The following SAMD12 variants were observed in gnomAD, a reference collection of about 807,000 sequenced individuals.
The protein encoded by SAMD12 is sterile alpha motif domain containing 12, also known as sterile alpha motif domain-containing protein 12.
SAMD12 carries 9 observed loss-of-function variants against 15.0 expected under a neutral mutation model. That is an observed-to-expected ratio of 0.60 (90% CI 0.36 to 1.05). SAMD12 has a LOEUF of 1.05. Among genes scored for constraint, SAMD12 ranks in the 50% least tolerant of loss-of-function variants. SAMD12 has a pLI of 0.01. For synonymous variants in SAMD12, 86 were observed against 90.1 expected (o/e 0.96, Z 0.25); for missense variants, 230 against 234.2 (o/e 0.98, Z 0.12).
chr8:118,282,189 T>C (rs1440020861), intron 4 of SAMD12: 11 of 422,552 alleles, frequency 2.6e-5, no homozygotes, highest in Non-Finnish European at 4.7e-5. Context: ...TTCCCTTTTT[T>C]CTTTTCTTCA....
At chr8:118,432,941 A>G (rs918697865) in intron 3 of SAMD12, among the ~76,000 whole-genome samples, 2 of 152,230 alleles carry the variant, frequency 1.3e-5, no homozygotes, top group Admixed American at 6.5e-5. Context: ...TTGAACAGAA[A>G]AACAGACTGT....
intron 3 of SAMD12, among the ~76,000 whole-genome samples, chr8:118,385,096 C>T (rs1819882515): frequency 6.6e-6 from 1 of 152,112 alleles, no homozygotes; most frequent in South Asian, 2.1e-4. Flanking sequence ...ACTGTGTGTG[C>T]TCCACTAGAA....
At chr8:118,486,355 G>T (rs886293114) in intron 2 of SAMD12, among the ~76,000 whole-genome samples, 2 of 151,882 alleles carry the variant, frequency 1.3e-5, no homozygotes, top group Non-Finnish European at 2.9e-5. Flanking sequence ...GGTAGAGCTT[G>T]CAGTGAGCCG....
chr8:118,151,839 GAA>G, the SAMD12 span, among the ~76,000 whole-genome samples: 1 of 138,688 alleles, frequency 7.2e-6, no homozygotes, highest in Non-Finnish European at 1.5e-5. Context: ...CAAAAAAAAA[GAA>G]AAAAAAAAAA....
intron 1 of SAMD12, among the ~76,000 whole-genome samples, chr8:118,594,501 T>C (rs563908193): frequency 1.3e-5 from 2 of 152,198 alleles, no homozygotes; most frequent in East Asian, 1.9e-4. Flanking sequence ...GACCAAAAAA[T>C]AGGCTAGCCA....
chr8:118,534,048 T>C (rs571534215), intron 2 of SAMD12, among the ~76,000 whole-genome samples: 35 of 152,368 alleles, frequency 2.3e-4, no homozygotes, highest in Non-Finnish European at 4.0e-4. Flanking sequence ...CGATGGTCTT[T>C]ACAATTTGGC....
At chr8:118,486,723 G>A (rs545255674) in intron 2 of SAMD12, among the ~76,000 whole-genome samples, 10 of 128,256 alleles carry the variant, frequency 7.8e-5, no homozygotes, top group Admixed American at 1.6e-4. Flanking sequence ...GCTAAATAAC[G>A]TAAAAAAATA....
intron 4 of SAMD12, among the ~76,000 whole-genome samples, chr8:118,199,265 T>C (rs999934938): frequency 1.3e-5 from 2 of 152,246 alleles, no homozygotes. Context: ...AGCATCATGA[T>C]TGTTTTCACT....
chr8:118,500,305 T>C (rs2131038317), intron 2 of SAMD12, among the ~76,000 whole-genome samples: 1 of 151,730 alleles, frequency 6.6e-6, no homozygotes, highest in Non-Finnish European at 1.5e-5. Flanking sequence ...CTCAAACTCC[T>C]GACCTAAGGT....
intron 2 of SAMD12, among the ~76,000 whole-genome samples, chr8:118,521,719 T>C (rs1825394201): frequency 6.6e-6 from 1 of 152,168 alleles, no homozygotes; most frequent in African/African-American, 2.4e-5. Flanking sequence ...TTAATGGTAA[T>C]AATTATGCTA....
intron 2 of SAMD12, among the ~76,000 whole-genome samples, chr8:118,508,570 C>A (rs912424779): frequency 6.6e-6 from 1 of 152,138 alleles, no homozygotes; most frequent in Non-Finnish European, 1.5e-5. Flanking sequence ...GATAAAGACA[C>A]CTTCGTGTCA....
intron 4 of SAMD12, among the ~76,000 whole-genome samples, chr8:118,304,706 G>A (rs1815223853): frequency 6.6e-6 from 1 of 151,150 alleles, no homozygotes; most frequent in Non-Finnish European, 1.5e-5. Context: ...GTTGCAGTGA[G>A]CTGAGATTGT....
intron 2 of SAMD12, among the ~76,000 whole-genome samples, chr8:118,553,257 C>T (rs1282592246): frequency 2.6e-5 from 4 of 152,168 alleles, no homozygotes; most frequent in Non-Finnish European, 4.4e-5. Flanking sequence ...AAGCTGGAGG[C>T]ATCACGCTAC....
intron 4 of SAMD12, among the ~76,000 whole-genome samples, chr8:118,235,967 T>C (rs1318262947): frequency 6.6e-6 from 1 of 152,214 alleles, no homozygotes; most frequent in East Asian, 1.9e-4. Flanking sequence ...CCACGGACTA[T>C]GTGATATGCT....
rs80342785 is a variant in SAMD12 at position 118,386,204 on chromosome 8, T to G, written c.323-6504A>C. On this transcript the variant is annotated intron_variant, in intron 3 of 3. Transcript: ENST00000314727. ...AGTCAGAAGTTCAGCATCTGTTCCA[T>G]TGGGCTAACATCAACGTGTCGGAAG... Among the ~76,000 whole-genome samples the G allele has an allele frequency of 7.0e-3, 1,065 of 152,320 alleles. 13 individuals are homozygous for G. The highest frequency in any genetic ancestry group is 0.024 in the African/African-American group (1,006 of 41,584).
intron 2 of SAMD12, among the ~76,000 whole-genome samples, chr8:118,543,516 C>T (rs1467859910): frequency 2.6e-5 from 4 of 152,124 alleles, no homozygotes; most frequent in African/African-American, 9.7e-5. Flanking sequence ...CTATGGCAAG[C>T]TTGTCCAATC....
chr8:118,309,404 G>A (rs959212717), intron 4 of SAMD12, among the ~76,000 whole-genome samples: 1 of 151,118 alleles, frequency 6.6e-6, no homozygotes, highest in Admixed American at 6.6e-5. Flanking sequence ...GTGTGTGTGT[G>A]TGTATGTGTA....
At chr8:118,293,065 AC>A (rs1814503123) in intron 4 of SAMD12, among the ~76,000 whole-genome samples, 2 of 152,000 alleles carry the variant, frequency 1.3e-5, no homozygotes, top group South Asian at 2.1e-4. Flanking sequence ...AAAAAAACAA[AC>A]AAACAAAAAA....
At chr8:118,565,094 A>T (rs1184264853) in intron 2 of SAMD12, among the ~76,000 whole-genome samples, 5 of 152,188 alleles carry the variant, frequency 3.3e-5, no homozygotes, top group African/African-American at 9.7e-5. Flanking sequence ...AACTCCACTA[A>T]TAACTATCAC....
Sources: gnomAD v4.1 joint callset for allele counts (sites outside exome capture counted in the v4.1 genomes callset) on GRCh38, gnomAD v4.1.1 for gene constraint, MANE v1.5 for transcripts, NCBI Gene and HGNC (gene_info 2026-07-23, HGNC 2026-07-21) for gene names.